The following SRR variants were observed in gnomAD, a reference collection of about 807,000 sequenced individuals.
SRR encodes D-serine ammonia-lyase.
In SRR, 19 loss-of-function variants were observed where a neutral mutation model predicts 32.7. That is an observed-to-expected ratio of 0.58 (90% CI 0.40 to 0.85). The LOEUF is 0.85. Among genes scored for constraint, SRR ranks in the 40% least tolerant of loss-of-function variants. SRR has a pLI of 0.00. For synonymous variants in SRR, 142 were observed against 140.9 expected (o/e 1.01, Z -0.06); for missense variants, 373 against 404.7 (o/e 0.92, Z 0.67).
rs1484153175 is a variant in SRR at position 2,323,971 on chromosome 17, G to C, written c.*98G>C. 2 of 1,207,780 alleles carry C rather than the reference G, an allele frequency of 1.7e-6. No homozygotes were observed. The highest frequency in any genetic ancestry group is 2.3e-6 in the Non-Finnish European group (2 of 860,766). The allele number at this position is 1,207,780 out of a possible 1,614,324, so 74.8% of individuals were successfully genotyped here. A position where few individuals can be genotyped will look rare whatever the true frequency, so the allele number is the denominator to read the frequency against. Reference sequence around the variant, plus strand: ...ACTCTTAGTTATCAGATTCTTAATGGAGAGTGGCTATTTCATTAAGATTTA... The same window carrying C: ...ACTCTTAGTTATCAGATTCTTAATGCAGAGTGGCTATTTCATTAAGATTTA... On this transcript the variant is annotated 3_prime_UTR_variant, in exon 8 of 8. Transcript: ENST00000344595.
Position 2,324,370 on chromosome 17 carries a change from G to C in SRR, c.*497G>C. The C allele has an allele frequency of 6.4e-7, 1 of 1,573,344 alleles. No individual in the cohort carries two copies. Among genetic ancestry groups the C allele is most frequent in the Non-Finnish European group, 8.6e-7 (1 of 1,161,740 alleles). Reference sequence around the variant, plus strand: ...CAAAGCTGCATTTCATGTGGCCATGGGTACCTAGAAAGACATCAGAACAAG... The same window carrying C: ...CAAAGCTGCATTTCATGTGGCCATGCGTACCTAGAAAGACATCAGAACAAG... On this transcript the variant is annotated 3_prime_UTR_variant, in exon 8 of 8. Transcript: ENST00000344595.
intron 1 of SRR, among the ~76,000 whole-genome samples, chr17:2,312,978 C>CA (rs1162610552): frequency 2.0e-5 from 3 of 152,172 alleles, no homozygotes; most frequent in East Asian, 1.9e-4. Context: ...GCCCAGGCCA[C>CA]AGTACAGTGG....
chr17:2,317,547 G>T (rs1213409256), intron 2 of SRR, among the ~76,000 whole-genome samples: 1 of 151,762 alleles, frequency 6.6e-6, no homozygotes, highest in Non-Finnish European at 1.5e-5. Context: ...AGCCGGGCAT[G>T]GTGGCAGGTG....
intron 1 of SRR, among the ~76,000 whole-genome samples, chr17:2,311,446 G>A (rs931674684): frequency 4.0e-5 from 6 of 151,880 alleles, no homozygotes; most frequent in African/African-American, 1.5e-4. Flanking sequence ...GACCAGCCTG[G>A]GCAACATGGC....
At position 2,324,478 on chromosome 17, in the gene SRR, T is replaced by C. The variant is rs1212352115; in HGVS notation, c.*605T>C. On this transcript the variant is annotated 3_prime_UTR_variant, in exon 8 of 8. Transcript: ENST00000344595. ...TAGCAACACTGCAGAAATGCAGACA[T>C]GGTCTCAAATCCCGTGTTTCCTTAC... 1.2e-6 allele frequency: 2 copies of C among 1,614,142 alleles called. No homozygotes were observed. The highest frequency in any genetic ancestry group is 2.2e-5 in the East Asian group (1 of 44,890).
chr17:2,314,221 A>C (rs1415814949), intron 1 of SRR, among the ~76,000 whole-genome samples: 4 of 152,174 alleles, frequency 2.6e-5, no homozygotes, highest in African/African-American at 9.6e-5. Flanking sequence ...AGTCTGAGGC[A>C]GGCGGATCAC....
chr17:2,312,893 C>T (rs2075443402), intron 1 of SRR, among the ~76,000 whole-genome samples: 1 of 152,114 alleles, frequency 6.6e-6, no homozygotes, highest in Admixed American at 6.5e-5. Flanking sequence ...AAAGGAAATC[C>T]AAATGTTCAT....
At chr17:2,315,302 G>A (rs541428782) in intron 1 of SRR, 117 of 296,040 alleles carry the variant, frequency 4.0e-4, no homozygotes, top group Non-Finnish European at 6.4e-4. Context: ...GCCAAGAGAT[G>A]GGTGGTGTGG....
intron 1 of SRR, among the ~76,000 whole-genome samples, chr17:2,312,158 G>A (rs2075437925): frequency 6.6e-6 from 1 of 150,982 alleles, no homozygotes; most frequent in Non-Finnish European, 1.5e-5. Flanking sequence ...TGAAGCTGCA[G>A]GGAGCCATAA....
chr17:2,303,598 C>T (rs932569162), upstream of SRR: 6 of 1,396,182 alleles, frequency 4.3e-6, no homozygotes, highest in African/African-American at 7.6e-5. Flanking sequence ...GCGGGGCGGG[C>T]AGGCCCGGCC....
Position 2,324,114 on chromosome 17 carries a change from T to G in SRR, c.*241T>G, listed in dbSNP as rs961125797. ...TGGACTGACAGGCTGACATAGAAAA[T>G]AAACTTTGCCCAATCACAACTTGTG... On this transcript the variant is annotated 3_prime_UTR_variant, in exon 8 of 8. Transcript: ENST00000344595. 1.1e-4 allele frequency: 165 copies of G among 1,485,824 alleles called. No individual in the cohort carries two copies. The highest frequency in any genetic ancestry group is 1.3e-4 in the Non-Finnish European group (149 of 1,114,198). The allele number at this position is 1,485,824 out of a possible 1,614,324, so 92.0% of individuals were successfully genotyped here.
rs954135762 is a variant in SRR at position 2,304,035 on chromosome 17, C to A, written c.-5+18C>A. ...GAGCTGAGGTGAGGCGAGGCCGGGC[C>A]GTGCCAGGCCAGGCGGGCGTTTGCG... On this transcript the variant is annotated intron_variant, in intron 1 of 7. Transcript: ENST00000344595. 2.1e-5 allele frequency: 5 copies of A among 240,722 alleles called. No homozygotes were observed. The highest frequency in any genetic ancestry group is 5.8e-5 in the Admixed American group (1 of 17,354). 14.9% of individuals were successfully genotyped at this position (240,722 alleles called of 1,614,324 possible). A position where few individuals can be genotyped will look rare whatever the true frequency, so the allele number is the denominator to read the frequency against.
At chr17:2,306,701 A>G in intron 1 of SRR, 1 of 509,370 alleles carries the variant, frequency 2.0e-6, no homozygotes, top group Non-Finnish European at 3.5e-6. Context: ...TGGGTGACAG[A>G]TAGAGACTCT....
At chr17:2,304,569 C>T (rs1433584004) in intron 1 of SRR, among the ~76,000 whole-genome samples, 5 of 151,536 alleles carry the variant, frequency 3.3e-5, no homozygotes, top group Admixed American at 3.3e-4. Flanking sequence ...AAACTAGATA[C>T]GATATAGTTG....
chr17:2,323,508 C>G, intron 7 of SRR, 147 bp from the exon 8 acceptor site: 2 of 1,143,936 alleles, frequency 1.7e-6, no homozygotes, highest in South Asian at 3.0e-5. Context: ...TTGACAGAAG[C>G]AGAGTCAGAA....
rs2075488407 is a variant in SRR at position 2,317,727 on chromosome 17, A to T, written c.169-143A>T. Reference sequence around the variant, plus strand: ...TCAAAAAAATAAAAAATAAAGATGCACATGAGATATTTAAGAGGTAAATCG... The same window carrying T: ...TCAAAAAAATAAAAAATAAAGATGCTCATGAGATATTTAAGAGGTAAATCG... On this transcript the variant is annotated intron_variant, in intron 2 of 7. Transcript: ENST00000344595. 9.5e-6 allele frequency: 8 copies of T among 843,958 alleles called. No individual in the cohort carries two copies. The South Asian group carries it at 1.5e-4, about 16-fold the overall frequency. The allele number at this position is 843,958 out of a possible 1,614,324, so 52.3% of individuals were successfully genotyped here. A position where few individuals can be genotyped will look rare whatever the true frequency, so the allele number is the denominator to read the frequency against.
chr17:2,307,345 C>CA (rs1180309333), intron 1 of SRR: 34 of 1,056,282 alleles, frequency 3.2e-5, no homozygotes, highest in Non-Finnish European at 4.5e-5. Context: ...CCAAAGAGGT[C>CA]AAAGTACTTC....
At chr17:2,306,927 C>G (rs1222656772) in intron 1 of SRR, 5 of 1,059,590 alleles carry the variant, frequency 4.7e-6, no homozygotes, top group East Asian at 2.4e-5. Flanking sequence ...ACTCCAGGGG[C>G]TTTGGATTTG....
intron 4 of SRR, 79 bp downstream of exon 4, chr17:2,319,008 T>C (rs1266391325): frequency 2.1e-6 from 2 of 953,034 alleles, no homozygotes; most frequent in Admixed American, 3.8e-5. Context: ...GGCTGCTCCT[T>C]CTCAGCCTCC....
Sources: allele counts gnomAD v4.1 joint callset (sites outside exome capture counted in the v4.1 genomes callset), GRCh38; gene constraint gnomAD v4.1.1; transcripts MANE v1.5; gene names NCBI Gene and HGNC (gene_info 2026-07-23, HGNC 2026-07-21).